The following ITGA1 variants were observed in gnomAD, a reference collection of about 807,000 sequenced individuals.
The protein encoded by ITGA1 is integrin alpha-1.
In ITGA1, 85 loss-of-function variants were observed where a neutral mutation model predicts 145.9. The observed-to-expected ratio is 0.58, with a 90% confidence interval of 0.49 to 0.70. The LOEUF (loss-of-function observed/expected upper bound fraction) is 0.70, where lower values mean the gene tolerates loss of function less well. Among genes scored for constraint, ITGA1 ranks in the 30% least tolerant of loss-of-function variants. The probability of loss-of-function intolerance (pLI) is 0.00; values close to 1 mark genes in which losing one functional copy is unlikely to be tolerated. For missense variants in ITGA1, 1,351 were observed against 1,418.7 expected, an observed-to-expected ratio of 0.95 and a Z score of 0.77; for synonymous variants, 520 against 495.3, an observed-to-expected ratio of 1.05 and a Z score of -0.66.
intron 1 of ITGA1, among the ~76,000 whole-genome samples, chr5:52,835,971 T>C (rs1384093360): frequency 6.6e-6 from 1 of 152,192 alleles, no homozygotes; most frequent in Non-Finnish European, 1.5e-5. Context: ...CACCTTGGCA[T>C]TTCTTTCTTC....
chr5:52,887,745 T>G, intron 7 of ITGA1, 70 bp from the exon 8 acceptor site: 1 of 1,451,650 alleles, frequency 6.9e-7, no homozygotes, highest in East Asian at 2.3e-5. Flanking sequence ...AGTGTTTTTG[T>G]TTAGTTTTTT....
intron 9 of ITGA1, 109 bp downstream of exon 9, chr5:52,893,949 T>A: frequency 1.3e-6 from 1 of 750,030 alleles, no homozygotes; most frequent in Non-Finnish European, 2.1e-6. Context: ...TTTTTTTTTT[T>A]ACTGTGTACA....
Position 52,893,836 on chromosome 5 carries a change from G to T in ITGA1, c.1086G>T (p.Leu362=). The part of the protein sequence containing the change: ...VKTLGERIFA[L]EATADQSAAS... Reference sequence around the variant, plus strand: ...CTCTGGGAGAAAGAATATTTGCCCTGGAAGGTATGTCTATTTATCTTATTG... The same window carrying T: ...CTCTGGGAGAAAGAATATTTGCCCTTGAAGGTATGTCTATTTATCTTATTG... Residue 362 remains leucine, a synonymous_variant, in exon 9 of 29, where the codon CTG becomes CTT. Coordinates refer to ENST00000282588, the MANE Select transcript of ITGA1 (RefSeq NM_181501.2). The T allele has an allele frequency of 2.5e-6, 4 of 1,607,418 alleles. No individual in the cohort carries two copies. Among genetic ancestry groups the T allele is most frequent in the Non-Finnish European group, 3.4e-6 (4 of 1,175,466 alleles).
intron 17 of ITGA1, 41 bp from the exon 18 acceptor site, chr5:52,922,736 A>G (rs1750748681): frequency 1.6e-6 from 2 of 1,283,860 alleles, no homozygotes; most frequent in East Asian, 4.6e-5. Flanking sequence ...AACACCCGGT[A>G]AATATGATAC....
intron 11 of ITGA1, chr5:52,902,434 A>T (rs1209388025): frequency 6.6e-6 from 1 of 152,222 alleles, no homozygotes. Flanking sequence ...TGGCATCAAG[A>T]CAGATCATAC....
rs1439341454 is a variant in ITGA1 at position 52,958,019 on chromosome 5, T to G, written c.*5568T>G. On this transcript the variant is annotated 3_prime_UTR_variant, in exon 29 of 29. Transcript: ENST00000282588. Reference sequence around the variant, plus strand: ...CAAATGACACCACAATGAAAGCCAGTTGTGGTCTTGAAAAATCTCTCTATT... The same window carrying G: ...CAAATGACACCACAATGAAAGCCAGGTGTGGTCTTGAAAAATCTCTCTATT... 6.6e-6 allele frequency: 1 copy of G among 152,150 alleles called. No individual in the cohort carries two copies. Among genetic ancestry groups the G allele is most frequent in the Non-Finnish European group, 1.5e-5 (1 of 68,034 alleles). The allele number at this position is 152,150 out of a possible 1,614,324, so 9.4% of individuals were successfully genotyped here. A position where few individuals can be genotyped will look rare whatever the true frequency, so the allele number is the denominator to read the frequency against.
At chr5:52,802,764 A>G (rs1028545919) in intron 1 of ITGA1, 4 of 152,086 alleles carry the variant, frequency 2.6e-5, no homozygotes, top group Non-Finnish European at 4.4e-5. Context: ...GGGTTTGCAC[A>G]TTTTTATTGG....
intron 14 of ITGA1, among the ~76,000 whole-genome samples, chr5:52,911,830 A>T (rs1487321115): frequency 7.3e-6 from 1 of 137,804 alleles, no homozygotes; most frequent in Non-Finnish European, 1.5e-5. Flanking sequence ...TACTATATAT[A>T]CTATATATGG....
At position 52,945,025 on chromosome 5, in the gene ITGA1, A is replaced by G. The variant is rs747727189; in HGVS notation, c.3368A>G (p.Gln1123Arg). Reference sequence around the variant, plus strand: ...TCTCTGGTTTTAAGTAGCAGCAATCAAAAAAGAGAGGTAAGTGCAACATGA... The same window carrying G: ...TCTCTGGTTTTAAGTAGCAGCAATCGAAAAAGAGAGGTAAGTGCAACATGA... ...NASLVLSSSN[Q>R]KRELAIQISK... The change falls in exon 27 of 29, where the codon CAA (glutamine) becomes CGA (arginine). Residue 1123 changes from glutamine (Q) to arginine (R), a missense_variant. Coordinates refer to ENST00000282588, the MANE Select transcript of ITGA1 (RefSeq NM_181501.2). The G allele has an allele frequency of 1.2e-5, 20 of 1,609,540 alleles. No homozygotes were observed. The highest frequency in any genetic ancestry group is 1.6e-5 in the Non-Finnish European group (19 of 1,176,426).
rs1579709941 is a variant in ITGA1, at chr5:52,905,974, A to G, written c.1455+66A>G. On this transcript the variant is annotated intron_variant, in intron 12 of 28. Coordinates refer to ENST00000282588, the MANE Select transcript of ITGA1 (RefSeq NM_181501.2). ...CATACTCTATGTATATTTACTGTCT[A>G]TTGTCCTAAACTTAAAAATGCAATA... 5 of 1,427,976 alleles carry G rather than the reference A, an allele frequency of 3.5e-6. No homozygotes were observed. In the African/African-American group the frequency reaches 4.3e-5, roughly 12 times the overall value. The allele number at this position is 1,427,976 out of a possible 1,614,324, so 88.5% of individuals were successfully genotyped here.
intron 1 of ITGA1, among the ~76,000 whole-genome samples, chr5:52,818,344 T>G (rs116656340): frequency 1.3e-5 from 2 of 152,338 alleles, no homozygotes; most frequent in African/African-American, 2.4e-5. Flanking sequence ...TATGCTTATT[T>G]GCACATTAGG....
chr5:52,799,217 T>C (rs1748404522), intron 1 of ITGA1, among the ~76,000 whole-genome samples: 1 of 152,192 alleles, frequency 6.6e-6, no homozygotes, highest in Admixed American at 6.5e-5. Context: ...AAAGAGGCAA[T>C]CCCACTTCTC....
intron 14 of ITGA1, among the ~76,000 whole-genome samples, chr5:52,910,796 A>G (rs1467797523): frequency 4.1e-5 from 6 of 145,078 alleles, no homozygotes; most frequent in African/African-American, 1.5e-4. Flanking sequence ...TACAAATAGT[A>G]TAAATATATA....
chr5:52,867,126 AAT>A (rs1223318649), intron 6 of ITGA1: 1 of 151,966 alleles, frequency 6.6e-6, no homozygotes, highest in African/African-American at 2.4e-5. Context: ...TTTGGAACAT[AAT>A]ATGTGCACAT....
At chr5:52,889,102 C>A (rs1750101590) in intron 8 of ITGA1, among the ~76,000 whole-genome samples, 1 of 97,454 alleles carries the variant, frequency 1.0e-5, no homozygotes. Context: ...CTCTAAACTA[C>A]TATCCATTTT....
chr5:52,801,410 T>G, intron 1 of ITGA1: 2 of 1,610,148 alleles, frequency 1.2e-6, no homozygotes, highest in South Asian at 1.1e-5. Context: ...TGATTCTAGG[T>G]ACATGCCTCC....
At chr5:52,928,308 C>T (rs920518672) in intron 20 of ITGA1, among the ~76,000 whole-genome samples, 1 of 151,990 alleles carries the variant, frequency 6.6e-6, no homozygotes, top group Non-Finnish European at 1.5e-5. Flanking sequence ...TTGGAGTCTC[C>T]TAGGTAGTAG....
chr5:52,892,774 A>C (rs1410164459), intron 8 of ITGA1, among the ~76,000 whole-genome samples: 7 of 152,074 alleles, frequency 4.6e-5, no homozygotes, highest in African/African-American at 1.7e-4. Flanking sequence ...TAAATCTGAC[A>C]TTCTGGAAAA....
chr5:52,820,496 C>T (rs1011084067), intron 1 of ITGA1, among the ~76,000 whole-genome samples: 1 of 142,962 alleles, frequency 7.0e-6, no homozygotes, highest in African/African-American at 2.6e-5. Context: ...ACGTTGTGCA[C>T]ATGTACCCTA....
Sources: allele counts gnomAD v4.1 joint callset (sites outside exome capture counted in the v4.1 genomes callset), GRCh38; gene constraint gnomAD v4.1.1; transcripts MANE v1.5; gene names NCBI Gene and HGNC (gene_info 2026-07-23, HGNC 2026-07-21).